The following FGF12 variants were observed in gnomAD, a reference collection of about 807,000 sequenced individuals.
FGF12 encodes the protein fibroblast growth factor 12, also known as fibroblast growth factor 12B.
A neutral mutation model predicts 23.6 loss-of-function variants in FGF12; 14 were observed. That is an observed-to-expected ratio of 0.59 (90% confidence interval 0.39 to 0.93). The LOEUF (loss-of-function observed/expected upper bound fraction) is 0.93. FGF12 is among the 40% of genes least tolerant of loss of function. The pLI is 0.00. For synonymous variants in FGF12, 62 were observed against 77.3 expected, an observed-to-expected ratio of 0.80 and a Z score of 1.04; for missense variants, 175 against 217.8, an observed-to-expected ratio of 0.80 and a Z score of 1.24.
At chr3:192,292,070 G>A (rs547321412) in intron 4 of FGF12, among the ~76,000 whole-genome samples, 1 of 152,172 alleles carries the variant, frequency 6.6e-6, no homozygotes, top group African/African-American at 2.4e-5. Flanking sequence ...ATATGAAAAT[G>A]GCTAACATTC....
At chr3:192,325,286 C>T (rs1195419648) in intron 4 of FGF12, among the ~76,000 whole-genome samples, 1 of 151,976 alleles carries the variant, frequency 6.6e-6, no homozygotes. Flanking sequence ...GCTATACCCC[C>T]CAATTTTTTT....
At chr3:192,602,101 T>C (rs1184795060) in intron 2 of FGF12, among the ~76,000 whole-genome samples, 6 of 152,108 alleles carry the variant, frequency 3.9e-5, no homozygotes, top group African/African-American at 1.4e-4. Context: ...CTATGGACTT[T>C]GGATGATAAT....
intron 2 of FGF12, among the ~76,000 whole-genome samples, chr3:192,507,382 T>C (rs113292799): frequency 1.6e-4 from 18 of 114,942 alleles, no homozygotes; most frequent in South Asian, 5.9e-4. Context: ...CACACACACA[T>C]ACAAGCACAC....
At chr3:192,600,207 G>A (rs1416380963) in intron 2 of FGF12, among the ~76,000 whole-genome samples, 1 of 152,016 alleles carries the variant, frequency 6.6e-6, no homozygotes, top group Non-Finnish European at 1.5e-5. Context: ...CTGTAGATAT[G>A]TGGATTAATT....
chr3:192,444,772 T>G (rs1326434095), intron 2 of FGF12, among the ~76,000 whole-genome samples: 2 of 152,158 alleles, frequency 1.3e-5, no homozygotes, highest in African/African-American at 4.8e-5. Context: ...AAAACACGTT[T>G]AAGAGAATTG....
chr3:192,331,267 G>A (rs1183401824), intron 4 of FGF12, among the ~76,000 whole-genome samples: 17 of 145,690 alleles, frequency 1.2e-4, no homozygotes, highest in Non-Finnish European at 3.0e-5. Flanking sequence ...TTGGTGGGAA[G>A]GTAAAATGAT....
intron 5 of FGF12, among the ~76,000 whole-genome samples, chr3:192,145,170 C>T (rs1186509352): frequency 6.6e-6 from 1 of 152,186 alleles, no homozygotes; most frequent in African/African-American, 2.4e-5. Context: ...AATTTGGACA[C>T]ATTTTCATAA....
At chr3:192,317,001 C>A (rs542118473) in intron 4 of FGF12, among the ~76,000 whole-genome samples, 1 of 152,148 alleles carries the variant, frequency 6.6e-6, no homozygotes, top group African/African-American at 2.4e-5. Flanking sequence ...CAGAAAGGAA[C>A]CCAATGCCTT....
At chr3:192,720,144 G>A (rs6805656) in intron 2 of FGF12, among the ~76,000 whole-genome samples, 8,975 of 152,294 alleles carry the variant, frequency 0.059, 474 homozygotes, top group East Asian at 0.19. Flanking sequence ...CAGGCTAATG[G>A]CCAATCCACA....
In FGF12 at chr3:192,300,233, G is replaced by A. The variant is rs570088595; in HGVS notation, c.228+35128C>T. ...CATGGCAGCCCTCCTCCCAGAGCTAGCCACCAGTGGTACTTACTAAATTAT... is the reference window on the plus strand; with the variant it reads ...CATGGCAGCCCTCCTCCCAGAGCTAACCACCAGTGGTACTTACTAAATTAT... On this transcript the variant is annotated intron_variant, in intron 4 of 5. Coordinates refer to ENST00000445105, the MANE Select transcript of FGF12 (RefSeq NM_004113.6). 4.3e-4 allele frequency among the ~76,000 whole-genome samples: 66 copies of A among 152,280 alleles called. 1 individual carries two copies. The South Asian group carries it at 0.013, about 30-fold the overall frequency.
At chr3:192,611,117 T>C (rs1297539733) in intron 2 of FGF12, among the ~76,000 whole-genome samples, 2 of 152,044 alleles carry the variant, frequency 1.3e-5, no homozygotes, top group African/African-American at 4.8e-5. Context: ...TATTAATCAC[T>C]TAATAATCAG....
intron 2 of FGF12, among the ~76,000 whole-genome samples, chr3:192,422,234 T>C (rs1043099122): frequency 1.6e-4 from 24 of 152,176 alleles, no homozygotes; most frequent in African/African-American, 4.8e-4. Flanking sequence ...TATTCTGATG[T>C]TACTTACTCA....
chr3:192,554,826 T>C (rs1711695321), intron 2 of FGF12, among the ~76,000 whole-genome samples: 1 of 151,400 alleles, frequency 6.6e-6, no homozygotes, highest in Admixed American at 6.6e-5. Flanking sequence ...AATGAGAATA[T>C]CAACAAAAAT....
intron 4 of FGF12, among the ~76,000 whole-genome samples, chr3:192,215,214 G>A (rs1718130714): frequency 6.6e-6 from 1 of 152,066 alleles, no homozygotes; most frequent in East Asian, 1.9e-4. Context: ...TCCCTCGAAG[G>A]TGTTGATATC....
chr3:192,718,335 T>A (rs1377424135), intron 2 of FGF12, among the ~76,000 whole-genome samples: 1 of 152,056 alleles, frequency 6.6e-6, no homozygotes, highest in African/African-American at 2.4e-5. Context: ...AAACATAATG[T>A]ACAATCTGCT....
intron 2 of FGF12, among the ~76,000 whole-genome samples, chr3:192,507,876 C>T (rs2108837640): frequency 6.6e-6 from 1 of 152,280 alleles, no homozygotes; most frequent in Non-Finnish European, 1.5e-5. Flanking sequence ...TTGAGAATGG[C>T]TTCATAATGA....
chr3:192,408,818 C>A lies in FGF12; in HGVS notation c.14-48280G>T. 2 of 985,708 alleles carry A rather than the reference C, an allele frequency of 2.0e-6. No individual in the cohort carries two copies. Among genetic ancestry groups the A allele is most frequent in the Non-Finnish European group, 2.4e-6 (2 of 830,176 alleles). The allele number at this position is 985,708 out of a possible 1,614,324, so 61.1% of individuals were successfully genotyped here. On this transcript the variant is annotated intron_variant, in intron 2 of 5. Coordinates refer to ENST00000445105, the MANE Select transcript of FGF12 (RefSeq NM_004113.6). The surrounding 1 kb of genome is among the most constrained non-coding windows in gnomAD (Gnocchi z 7.3). ...ACCGCACGAGAGAAGGAGAGGAAGG[C>A]AGCAATTTAACTCCCTGCGGCCCGC... is the stretch of plus-strand genomic sequence containing the variant.
At chr3:192,726,211 A>G (rs1719208980) in intron 2 of FGF12, among the ~76,000 whole-genome samples, 1 of 152,202 alleles carries the variant, frequency 6.6e-6, no homozygotes, top group African/African-American at 2.4e-5. Flanking sequence ...TAAAAATAAA[A>G]TCTTGTTTCA....
chr3:192,470,924 C>T (rs1014268702), intron 2 of FGF12, among the ~76,000 whole-genome samples: 5 of 152,204 alleles, frequency 3.3e-5, no homozygotes, highest in Non-Finnish European at 7.3e-5. Context: ...TTTCACACCT[C>T]CGGCTTCTCA....
Sources: allele counts gnomAD v4.1 joint callset (sites outside exome capture counted in the v4.1 genomes callset), GRCh38; gene constraint gnomAD v4.1.1; non-coding constraint Gnocchi (gnomAD v3.1); transcripts MANE v1.5; gene names NCBI Gene and HGNC (gene_info 2026-07-23, HGNC 2026-07-21).